EPS8: variants seen among roughly 807,000 people sequenced by gnomAD.
EPS8 encodes the protein EGFR pathway substrate 8, signaling adaptor.
EPS8 carries 42 observed loss-of-function variants against 103.8 expected under a neutral mutation model. The ratio of observed to expected loss-of-function variants is 0.40; its 90% CI spans 0.32 to 0.52. The LOEUF is 0.52. Ranked by LOEUF, EPS8 falls within the 20% of genes least tolerant of loss-of-function variation. The pLI is 0.40. For synonymous variants in EPS8, 344 were observed against 344.6 expected (o/e 1.00, Z 0.02); for missense variants, 969 against 1,005.1 (o/e 0.96, Z 0.49).
At position 15,701,127 on chromosome 12, in the gene EPS8, A is replaced by G. The variant is rs1946306388; in HGVS notation, c.-21-18155T>C. On this transcript the variant is annotated intron_variant, in intron 1 of 20. Coordinates refer to ENST00000281172, the MANE Select transcript of EPS8 (RefSeq NM_004447.6). The surrounding 1 kb of genome is among the most constrained non-coding windows in gnomAD (Gnocchi z 5.1). ...TGGCTTCAAAATAGTCACTTTTTTAAAAGGTAATTCTTTTCTCTCTCTGAA... is the reference window on the plus strand; with the variant it reads ...TGGCTTCAAAATAGTCACTTTTTTAGAAGGTAATTCTTTTCTCTCTCTGAA... Among the ~76,000 whole-genome samples the G allele has an allele frequency of 1.3e-5, 2 of 152,350 alleles. No individual in the cohort carries two copies. The highest frequency in any genetic ancestry group is 4.8e-5 in the African/African-American group (2 of 41,584).
intron 1 of EPS8, among the ~76,000 whole-genome samples, chr12:15,770,515 G>C (rs79385526): frequency 0.027 from 4,132 of 152,118 alleles, 182 homozygotes; most frequent in African/African-American, 0.094. Context: ...TCTAATGAGG[G>C]GAAAGGATAG....
At position 15,747,759 on chromosome 12, in the gene EPS8, G is replaced by A. The variant is rs892253578; in HGVS notation, c.-22+41402C>T. 1.3e-5 allele frequency among the ~76,000 whole-genome samples: 2 copies of A among 152,154 alleles called. No homozygotes were observed. Among genetic ancestry groups the A allele is most frequent in the Non-Finnish European group, 2.9e-5 (2 of 68,044 alleles). On this transcript the variant is annotated intron_variant, in intron 1 of 20. Transcript: ENST00000281172. The surrounding 1 kb of genome is among the most constrained non-coding windows in gnomAD (Gnocchi z 4.4). ...AAAATAGCCAGGCGCAGTGGCTCAC[G>A]CCTGTAATCCCAGCACTTTGGGAGG...
intron 18 of EPS8, among the ~76,000 whole-genome samples, chr12:15,626,970 A>G (rs927528847): frequency 4.0e-5 from 6 of 151,098 alleles, no homozygotes; most frequent in Non-Finnish European, 8.8e-5. Context: ...TCTCCAAACC[A>G]CTTACCACCT....
chr12:15,672,743 A>G (rs1945838477), intron 3 of EPS8, among the ~76,000 whole-genome samples: 1 of 152,210 alleles, frequency 6.6e-6, no homozygotes, highest in African/African-American at 2.4e-5. Context: ...ATTCAGGAAT[A>G]TATTTCACAA....
Position 15,698,733 on chromosome 12 carries a change from G to C in EPS8, c.-21-15761C>G, listed in dbSNP as rs562203575. On this transcript the variant is annotated intron_variant, in intron 1 of 20. Transcript: ENST00000281172. The surrounding 1 kb of genome is among the most constrained non-coding windows in gnomAD (Gnocchi z 4.9). The stretch of plus-strand genomic sequence containing the variant: ...AGAAATTTTTCCAGGATGCCAGTTT[G>C]AAATTTAGGAGATAGGAGATTCAGT... 6.6e-6 allele frequency among the ~76,000 whole-genome samples: 1 copy of C among 152,184 alleles called. No individual in the cohort carries two copies. Among genetic ancestry groups the C allele is most frequent in the African/African-American group, 2.4e-5 (1 of 41,508 alleles).
chr12:15,711,317 A>C (rs933417179), intron 1 of EPS8, among the ~76,000 whole-genome samples: 1 of 152,100 alleles, frequency 6.6e-6, no homozygotes, highest in African/African-American at 2.4e-5. Flanking sequence ...TACAAAGGAG[A>C]CTTCTCTATA....
rs1410868125 is a variant in EPS8 at position 15,735,889 on chromosome 12, G to GT, written c.-21-52918dup. On this transcript the variant is annotated intron_variant, in intron 1 of 20. Transcript: ENST00000281172. The surrounding 1 kb of genome is among the most constrained non-coding windows in gnomAD (Gnocchi z 4.4). ...AATAGGACAAAGACAAAGAGTTTGTGTTTTTTTGTGTTTTGTGACAGGGTC... is the reference window on the plus strand; with the variant it reads ...AATAGGACAAAGACAAAGAGTTTGTGTTTTTTTTGTGTTTTGTGACAGGGTC... 6.6e-6 allele frequency among the ~76,000 whole-genome samples: 1 copy of GT among 152,068 alleles called. No homozygotes were observed. Among genetic ancestry groups the GT allele is most frequent in the Non-Finnish European group, 1.5e-5 (1 of 67,982 alleles).
rs189681247 is a variant in EPS8 at position 15,779,885 on chromosome 12, T to G, written c.-22+9276A>C. Among the ~76,000 whole-genome samples the G allele has an allele frequency of 6.6e-6, 1 of 152,214 alleles. No homozygotes were observed. The highest frequency in any genetic ancestry group is 1.5e-5 in the Non-Finnish European group (1 of 68,036). ...CAGGTTCTGTTCAGAAACTATGGCT[T>G]AGAATTTTAGACAGGCTTAAACAGG... On this transcript the variant is annotated intron_variant, in intron 1 of 20. Coordinates refer to ENST00000281172, the MANE Select transcript of EPS8 (RefSeq NM_004447.6). The surrounding 1 kb of genome is among the most constrained non-coding windows in gnomAD (Gnocchi z 4.3).
chr12:15,657,382 C>T (rs761352162), intron 12 of EPS8, among the ~76,000 whole-genome samples: 50 of 152,294 alleles, frequency 3.3e-4, no homozygotes, highest in East Asian at 9.7e-4. Flanking sequence ...TAGACACATG[C>T]GTGCATCCCC....
chr12:15,627,476 G>A (rs757245935), intron 18 of EPS8, among the ~76,000 whole-genome samples: 2 of 151,814 alleles, frequency 1.3e-5, no homozygotes, highest in Admixed American at 6.6e-5. Context: ...CTTTTTCACC[G>A]AGACTTTGAG....
At chr12:15,674,409 G>A (rs1298510815) in intron 3 of EPS8, among the ~76,000 whole-genome samples, 1 of 152,070 alleles carries the variant, frequency 6.6e-6, no homozygotes, top group Non-Finnish European at 1.5e-5. Context: ...CCACAGTAAG[G>A]GAGAATTCCT....
intron 1 of EPS8, among the ~76,000 whole-genome samples, chr12:15,770,409 A>G (rs952148560): frequency 1.3e-5 from 2 of 152,112 alleles, no homozygotes; most frequent in African/African-American, 4.8e-5. Context: ...ACAATGTGCT[A>G]AAGCGTGTTT....
chr12:15,677,396 C>T (rs1044020920), intron 3 of EPS8, among the ~76,000 whole-genome samples: 8 of 152,096 alleles, frequency 5.3e-5, no homozygotes, highest in African/African-American at 1.9e-4. Flanking sequence ...CCCAGGAGGC[C>T]CACTATAGTG....
In EPS8 at chr12:15,779,431, T is replaced by G. The variant is rs1947238568; in HGVS notation, c.-22+9730A>C. Among the ~76,000 whole-genome samples, 1 of 152,236 alleles carries G rather than the reference T, an allele frequency of 6.6e-6. No homozygotes were observed. The highest frequency in any genetic ancestry group is 1.5e-5 in the Non-Finnish European group (1 of 68,046). Reference sequence around the variant, plus strand: ...TACCATCAACTTTAAATGTCAAAATTATTGCAGAAAATTAGATAAACTGTA... The same window carrying G: ...TACCATCAACTTTAAATGTCAAAATGATTGCAGAAAATTAGATAAACTGTA... On this transcript the variant is annotated intron_variant, in intron 1 of 20. Transcript: ENST00000281172. This position sits in a 1 kb window ranked among gnomAD's most constrained non-coding sequence, Gnocchi z 4.3.
chr12:15,685,427 T>G (rs1946079022), intron 1 of EPS8, among the ~76,000 whole-genome samples: 1 of 152,086 alleles, frequency 6.6e-6, no homozygotes, highest in Admixed American at 6.5e-5. Flanking sequence ...ACCCCCAGGG[T>G]TTGTGCTGAT....
At chr12:15,644,513 T>G (rs1035729506) in intron 15 of EPS8, among the ~76,000 whole-genome samples, 1 of 151,966 alleles carries the variant, frequency 6.6e-6, no homozygotes, top group African/African-American at 2.4e-5. Context: ...GCTAACACGG[T>G]GAAACCCCAT....
intron 13 of EPS8, 99 bp from the exon 14 acceptor site, chr12:15,651,105 C>G: frequency 2.2e-6 from 2 of 908,400 alleles, no homozygotes; most frequent in Non-Finnish European, 3.4e-6. Context: ...CGCACACACA[C>G]ATAAATAACA....
At position 15,760,565 on chromosome 12, in the gene EPS8, A is replaced by T. The variant is rs560967295; in HGVS notation, c.-22+28596T>A. 6.6e-5 allele frequency among the ~76,000 whole-genome samples: 10 copies of T among 152,220 alleles called. No individual in the cohort carries two copies. The highest frequency in any genetic ancestry group is 1.9e-4 in the African/African-American group (8 of 41,564). On this transcript the variant is annotated intron_variant, in intron 1 of 20. Transcript: ENST00000281172. The surrounding 1 kb of genome is among the most constrained non-coding windows in gnomAD (Gnocchi z 4.5). ...CAAATCCTCAAACAAATACCAGCAA[A>T]CCGAATTCAATAATACCTTTAAAAG...
chr12:15,650,680 G>C, intron 14 of EPS8, 143 bp downstream of exon 14: 1 of 713,290 alleles, frequency 1.4e-6, no homozygotes, highest in Non-Finnish European at 2.3e-6. Flanking sequence ...AAGAGAGAGA[G>C]GTAATTCAGG....
Sources: gnomAD v4.1 joint callset for allele counts (sites outside exome capture counted in the v4.1 genomes callset) on GRCh38, gnomAD v4.1.1 for gene constraint, Gnocchi (gnomAD v3.1) non-coding constraint, MANE v1.5 for transcripts, NCBI Gene and HGNC (gene_info 2026-07-23, HGNC 2026-07-21) for gene names.